Variants in CPB1 observed in about 807,000 individuals in gnomAD.
The protein encoded by CPB1 is carboxypeptidase B1, also known as carboxypeptidase B.
Under a neutral mutation model 51.4 loss-of-function variants are expected in CPB1, and 53 were observed. The ratio of observed to expected loss-of-function variants is 1.03; its 90% CI spans 0.83 to 1.30. The LOEUF (loss-of-function observed/expected upper bound fraction) is 1.30, where lower values mean the gene tolerates loss of function less well. Among genes scored for constraint, CPB1 ranks in the 50% most tolerant of loss-of-function variants. CPB1 has a pLI of 0.00. For missense variants in CPB1, 494 were observed against 516.2 expected (o/e 0.96, Z 0.42); for synonymous variants, 189 against 186.9 (o/e 1.01, Z -0.09).
At chr3:148,839,945 C>T (rs1372753668) in intron 3 of CPB1, among the ~76,000 whole-genome samples, 2 of 152,130 alleles carry the variant, frequency 1.3e-5, no homozygotes, top group Non-Finnish European at 2.9e-5. Flanking sequence ...CACATACACA[C>T]ACACACACAC....
intron 3 of CPB1, chr3:148,838,499 G>C (rs1287788386): frequency 6.6e-6 from 1 of 151,708 alleles, no homozygotes; most frequent in Admixed American, 6.6e-5. Context: ...TTTGTTTCCA[G>C]GTTTTTGTCT....
intron 2 of CPB1, 80 bp downstream of exon 2, chr3:148,828,157 C>T (rs1042080788): frequency 2.7e-6 from 3 of 1,096,800 alleles, no homozygotes; most frequent in Non-Finnish European, 4.0e-6. Context: ...GAAAAAAAAA[C>T]ATGAAATATT....
rs1713057436 is a variant in CPB1, at chr3:148,840,944, C to T, written c.443C>T (p.Thr148Ile). The change falls in exon 5 of 11, where the codon ACA (threonine) becomes ATA (isoleucine). Residue 148 changes from threonine to isoleucine, a missense_variant. Coordinates refer to ENST00000282957, the MANE Select transcript of CPB1 (RefSeq NM_001871.3). ...ALISRSVIGT[T>I]FEGRAIYLLK... Reference sequence around the variant, plus strand: ...ATCTCTCGCAGTGTTATCGGAACCACATTTGAGGGACGCGCTATTTACCTC... The same window carrying T: ...ATCTCTCGCAGTGTTATCGGAACCATATTTGAGGGACGCGCTATTTACCTC... 6.2e-7 allele frequency: 1 copy of T among 1,614,112 alleles called. No homozygotes were observed.
At chr3:148,850,494 G>A (rs1288913784) in intron 9 of CPB1, among the ~76,000 whole-genome samples, 2 of 151,944 alleles carry the variant, frequency 1.3e-5, no homozygotes, top group Non-Finnish European at 2.9e-5. Context: ...AGTAGAGATG[G>A]GGTTTCACCG....
intron 9 of CPB1, chr3:148,854,417 T>A (rs2108021251): frequency 6.6e-6 from 1 of 152,322 alleles, no homozygotes; most frequent in South Asian, 2.1e-4. Flanking sequence ...TGTTCTGACT[T>A]TTTTTGTCTT....
At chr3:148,832,097 C>G (rs943984838) in intron 2 of CPB1, among the ~76,000 whole-genome samples, 1 of 152,106 alleles carries the variant, frequency 6.6e-6, no homozygotes, top group African/African-American at 2.4e-5. Flanking sequence ...TTTTAAGCAA[C>G]CTCAGGTTAG....
At chr3:148,836,348 T>C (rs949524607) in intron 3 of CPB1, among the ~76,000 whole-genome samples, 2 of 152,214 alleles carry the variant, frequency 1.3e-5, no homozygotes, top group African/African-American at 4.8e-5. Context: ...TATAACATTT[T>C]GCTCTTTTTA....
chr3:148,837,644 G>A (rs1341229969), intron 3 of CPB1, among the ~76,000 whole-genome samples: 4 of 151,918 alleles, frequency 2.6e-5, no homozygotes, highest in East Asian at 3.9e-4. Flanking sequence ...TATAGCTAAA[G>A]TAGTACTTTG....
intron 2 of CPB1, among the ~76,000 whole-genome samples, chr3:148,830,201 C>T (rs569069440): frequency 1.3e-5 from 2 of 152,262 alleles, no homozygotes; most frequent in African/African-American, 2.4e-5. Context: ...CACCTGTTTT[C>T]GTGTTTATAA....
intron 6 of CPB1, among the ~76,000 whole-genome samples, chr3:148,843,816 T>C (rs1283977904): frequency 6.6e-6 from 1 of 152,132 alleles, no homozygotes; most frequent in Non-Finnish European, 1.5e-5. Flanking sequence ...CATTCATAGA[T>C]AAGTATCTAC....
chr3:148,828,785 T>C (rs111511518), intron 2 of CPB1, among the ~76,000 whole-genome samples: 2,156 of 152,268 alleles, frequency 0.014, 22 homozygotes, highest in Middle Eastern at 0.054. Context: ...TCTGCTAGCT[T>C]ATACACACAC....
chr3:148,841,987 T>C (rs1713100291), intron 6 of CPB1, 63 bp downstream of exon 6: 6 of 1,230,064 alleles, frequency 4.9e-6, no homozygotes, highest in Non-Finnish European at 7.1e-6. Context: ...ATTAATTCCT[T>C]AAAACCTAGA....
chr3:148,847,372 TAAAAAAAAAAAA>T (rs3043983), intron 9 of CPB1, among the ~76,000 whole-genome samples: 2 of 86,718 alleles, frequency 2.3e-5, no homozygotes, highest in East Asian at 7.2e-4. Context: ...AAATCATTCT[TAAAAAAAAAAAA>T]AAAAAAAAAA....
At chr3:148,843,303 A>G (rs1469851385) in intron 6 of CPB1, among the ~76,000 whole-genome samples, 1 of 152,148 alleles carries the variant, frequency 6.6e-6, no homozygotes, top group Non-Finnish European at 1.5e-5. Context: ...CTACTTTTGC[A>G]ATTCTTCTGT....
intron 10 of CPB1, among the ~76,000 whole-genome samples, chr3:148,857,794 G>A (rs1268917103): frequency 1.3e-5 from 2 of 152,060 alleles, no homozygotes; most frequent in African/African-American, 4.8e-5. Context: ...AGCTACTCAG[G>A]AGGCTGAAGC....
chr3:148,853,238 G>A (rs892033439), intron 9 of CPB1, among the ~76,000 whole-genome samples: 3 of 152,130 alleles, frequency 2.0e-5, no homozygotes, highest in African/African-American at 7.2e-5. Context: ...TTCTTATGCT[G>A]TAATAATGGG....
At chr3:148,837,166 A>G (rs1385089181) in intron 3 of CPB1, among the ~76,000 whole-genome samples, 1 of 152,194 alleles carries the variant, frequency 6.6e-6, no homozygotes, top group Non-Finnish European at 1.5e-5. Context: ...CCTGCCCTCC[A>G]TGGAATTCCT....
chr3:148,838,086 A>C (rs1712958230), intron 3 of CPB1: 1 of 152,204 alleles, frequency 6.6e-6, no homozygotes, highest in Admixed American at 6.6e-5. Context: ...GTCTCTACTA[A>C]AAATACAAAA....
At chr3:148,831,936 G>C (rs1712750196) in intron 2 of CPB1, among the ~76,000 whole-genome samples, 1 of 152,092 alleles carries the variant, frequency 6.6e-6, no homozygotes, top group African/African-American at 2.4e-5. Flanking sequence ...TGAGGCTATA[G>C]CATTGCTCCT....
Sources: allele counts gnomAD v4.1 joint callset (sites outside exome capture counted in the v4.1 genomes callset), GRCh38; gene constraint gnomAD v4.1.1; transcripts MANE v1.5; gene names NCBI Gene and HGNC (gene_info 2026-07-23, HGNC 2026-07-21).